RELN: variants seen among roughly 807,000 people sequenced by gnomAD.
RELN encodes the protein reelin.
RELN carries 108 observed loss-of-function variants against 427.6 expected under a neutral mutation model. The ratio of observed to expected loss-of-function variants is 0.25; its 90% CI spans 0.22 to 0.30. The LOEUF (loss-of-function observed/expected upper bound fraction) is 0.30. RELN is among the 10% of genes least tolerant of loss of function. RELN has a pLI of 1.00. For synonymous variants in RELN, 1,524 were observed against 1,513.4 expected (o/e 1.01, Z -0.16); for missense variants, 3,715 against 4,302.8 (o/e 0.86, Z 3.82).
At position 103,472,427 on chromosome 7, in the gene RELN, C is replaced by A; in HGVS notation, c.*385G>T. On this transcript the variant is annotated 3_prime_UTR_variant, in exon 65 of 65. Transcript: ENST00000428762. ...CATGAGACATAGCCGAAATACAGTC[C>A]ACTTAAATAGCTTTGTGACCAAGAA... 3 of 268,276 alleles carry A rather than the reference C, an allele frequency of 1.1e-5. No homozygotes were observed. The highest frequency in any genetic ancestry group is 4.3e-5 in the South Asian group (1 of 23,294). 16.6% of individuals were successfully genotyped at this position (268,276 alleles called of 1,614,324 possible).
intron 61 of RELN, 32 bp downstream of exon 61, chr7:103,486,163 CTA>C (rs1287752715): frequency 1.3e-6 from 2 of 1,594,856 alleles, no homozygotes; most frequent in Admixed American, 1.7e-5. Context: ...GTGACTAATT[CTA>C]TGTCTGGACT....
intron 2 of RELN, among the ~76,000 whole-genome samples, chr7:103,874,158 C>T (rs1429941779): frequency 7.3e-6 from 1 of 137,094 alleles, no homozygotes. Context: ...ATTCAACAAC[C>T]CTTCATGCTA....
At chr7:103,826,284 G>A (rs1400639582) in intron 3 of RELN, among the ~76,000 whole-genome samples, 4 of 145,300 alleles carry the variant, frequency 2.8e-5, no homozygotes, top group Non-Finnish European at 4.6e-5. Flanking sequence ...CCTGTCTCAG[G>A]TATTCTGTTA....
intron 10 of RELN, among the ~76,000 whole-genome samples, chr7:103,692,419 T>A (rs1426479204): frequency 1.3e-5 from 2 of 152,064 alleles, no homozygotes; most frequent in Non-Finnish European, 2.9e-5. Flanking sequence ...CAGCTCACAA[T>A]AATACCTGCC....
intron 51 of RELN, among the ~76,000 whole-genome samples, chr7:103,507,313 G>A (rs1427445383): frequency 2.0e-5 from 3 of 151,978 alleles, no homozygotes; most frequent in Admixed American, 6.6e-5. Context: ...GCAAAAGAGC[G>A]GAAATCATAA....
intron 1 of RELN, among the ~76,000 whole-genome samples, chr7:103,939,023 T>C (rs1796051284): frequency 6.6e-6 from 1 of 152,080 alleles, no homozygotes; most frequent in Non-Finnish European, 1.5e-5. Context: ...CTCGGCTCAA[T>C]GCAACCTCTG....
At chr7:103,487,175 C>T (rs1828470378) in intron 60 of RELN, among the ~76,000 whole-genome samples, 1 of 152,096 alleles carries the variant, frequency 6.6e-6, no homozygotes, top group African/African-American at 2.4e-5. Flanking sequence ...CAAACCACCG[C>T]ATGTTCTAAT....
chr7:103,512,218 T>A (rs1449307280), intron 50 of RELN, among the ~76,000 whole-genome samples: 1 of 152,142 alleles, frequency 6.6e-6, no homozygotes, highest in Non-Finnish European at 1.5e-5. Context: ...AACAAATGAT[T>A]TTTGAGTTTA....
chr7:103,518,327 CTTTTTTT>C (rs767194919), intron 49 of RELN, among the ~76,000 whole-genome samples: 8 of 106,502 alleles, frequency 7.5e-5, no homozygotes, highest in South Asian at 3.6e-4. Flanking sequence ...TCTACGTTTC[CTTTTTTT>C]TTTTTTTTTT....
At chr7:103,589,425 T>C (rs1197795576) in intron 28 of RELN, among the ~76,000 whole-genome samples, 171 bp downstream of exon 28, 2 of 152,240 alleles carry the variant, frequency 1.3e-5, no homozygotes, top group East Asian at 3.8e-4. Flanking sequence ...CATGTTTTTA[T>C]GTTTCTCAGA....
chr7:103,935,603 C>G (rs146253111), intron 1 of RELN, among the ~76,000 whole-genome samples: 3 of 152,232 alleles, frequency 2.0e-5, no homozygotes, highest in African/African-American at 7.2e-5. Flanking sequence ...CCAAAGGATC[C>G]CAAATCTCCC....
At chr7:103,925,638 T>C (rs866807746) in intron 1 of RELN, among the ~76,000 whole-genome samples, 25 of 152,324 alleles carry the variant, frequency 1.6e-4, no homozygotes, top group Middle Eastern at 3.4e-3. Context: ...TGTTCTTGCT[T>C]TTTTAAAGGA....
chr7:103,954,387 G>A (rs1391553793), intron 1 of RELN, among the ~76,000 whole-genome samples: 1 of 152,212 alleles, frequency 6.6e-6, no homozygotes, highest in Admixed American at 6.5e-5. Context: ...CTTAGGAAGA[G>A]AATGGCATGA....
rs772196850 is a variant in RELN, at chr7:103,539,220, C to T, written c.7038G>A (p.Val2346=). ...CCAGGGCATCACCAGTAGAGCCACA[C>T]ACGGGCATCTTGGTGCCTCCTGGGT... The part of the protein sequence containing the change: ...LLHPGGTKMP[V]CGSTGDALVF... Residue 2346 remains valine, a synonymous_variant, in exon 45 of 65, where the codon GTG becomes GTA. Transcript: ENST00000428762. The T allele has an allele frequency of 1.2e-6, 2 of 1,614,260 alleles. No homozygotes were observed. Among genetic ancestry groups the T allele is most frequent in the Non-Finnish European group, 1.7e-6 (2 of 1,180,046 alleles).
intron 1 of RELN, among the ~76,000 whole-genome samples, chr7:103,926,851 T>C (rs1427411689): frequency 6.6e-6 from 1 of 150,532 alleles, no homozygotes; most frequent in African/African-American, 2.5e-5. Context: ...TTTCACTGTG[T>C]TAGCCAGGAC....
At chr7:103,649,274 T>C (rs548038127) in intron 16 of RELN, among the ~76,000 whole-genome samples, 1 of 152,196 alleles carries the variant, frequency 6.6e-6, no homozygotes, top group East Asian at 1.9e-4. Flanking sequence ...AATGAAATCG[T>C]GTCTTTTGCT....
chr7:103,831,985 CACTT>C (rs1457046961), intron 3 of RELN, among the ~76,000 whole-genome samples: 2 of 152,110 alleles, frequency 1.3e-5, no homozygotes, highest in Non-Finnish European at 2.9e-5. Context: ...AATGTTCACT[CACTT>C]ATAAAAAACT....
At chr7:103,949,950 C>T (rs527244096) in intron 1 of RELN, among the ~76,000 whole-genome samples, 169 of 152,306 alleles carry the variant, frequency 1.1e-3, no homozygotes, top group African/African-American at 3.9e-3. Context: ...ACATAAGAAA[C>T]CATGTTGTCT....
chr7:103,558,922 T>C (rs1830583061), intron 36 of RELN, among the ~76,000 whole-genome samples: 1 of 152,128 alleles, frequency 6.6e-6, no homozygotes, highest in African/African-American at 2.4e-5. Flanking sequence ...AAATGTAATT[T>C]TAGCTAAAAG....
Sources: gnomAD v4.1 joint callset for allele counts (sites outside exome capture counted in the v4.1 genomes callset) on GRCh38, gnomAD v4.1.1 for gene constraint, MANE v1.5 for transcripts, NCBI Gene and HGNC (gene_info 2026-07-23, HGNC 2026-07-21) for gene names.